Variants in SLC39A6 observed in about 807,000 individuals in gnomAD.
SLC39A6 encodes solute carrier family 39 member 6, also known as zinc transporter ZIP6.
In SLC39A6, 51 loss-of-function variants were observed where a neutral mutation model predicts 63.5. The ratio of observed to expected loss-of-function variants is 0.80; its 90% CI spans 0.64 to 1.01. The LOEUF (loss-of-function observed/expected upper bound fraction) is 1.01, where lower values mean the gene tolerates loss of function less well. SLC39A6 is among the 50% of genes least tolerant of loss of function. The pLI is 0.00. For missense variants in SLC39A6, 805 were observed against 927.8 expected (o/e 0.87, Z 1.72); for synonymous variants, 318 against 324.7 (o/e 0.98, Z 0.22).
chr18:36,124,388 C>G, intron 3 of SLC39A6, 132 bp downstream of exon 3: 1 of 526,656 alleles, frequency 1.9e-6, no homozygotes, highest in Admixed American at 3.5e-5. Flanking sequence ...TCTTCACATT[C>G]AAGGCAAAGA....
chr18:36,114,071 CA>C (rs753241884), intron 7 of SLC39A6, 25 bp downstream of exon 7: 1 of 1,531,882 alleles, frequency 6.5e-7, no homozygotes, highest in African/African-American at 1.4e-5. Flanking sequence ...AATCAATCAA[CA>C]AGGAACAAAT....
chr18:36,127,241 C>T (rs1308438585), intron 1 of SLC39A6, among the ~76,000 whole-genome samples: 1 of 152,190 alleles, frequency 6.6e-6, no homozygotes, highest in East Asian at 1.9e-4. Context: ...GAGCTGAGTG[C>T]TAAGAGACTG....
intron 7 of SLC39A6, among the ~76,000 whole-genome samples, chr18:36,113,852 A>G (rs901133940): frequency 6.6e-6 from 1 of 152,250 alleles, no homozygotes; most frequent in Non-Finnish European, 1.5e-5. Flanking sequence ...CTTGCAATTT[A>G]AGAACAGCTT....
chr18:36,118,013 A>G (rs569086667), intron 5 of SLC39A6, among the ~76,000 whole-genome samples: 7 of 151,600 alleles, frequency 4.6e-5, no homozygotes, highest in African/African-American at 1.7e-4. Context: ...CCGGGGCGAC[A>G]GAGTGAGACT....
In SLC39A6 at chr18:36,126,607, T is replaced by C; in HGVS notation, c.401A>G (p.His134Arg). Residue 134 changes from histidine (H) to arginine (R), a missense_variant, in exon 2 of 10, where the codon CAT becomes CGT. By Grantham distance (29) the His-to-Arg change is conservative. Around this residue, in one of 4 missense-constraint regions of SLC39A6, gnomAD observed 639 missense variants for 644.0 expected, o/e 0.99. Coordinates refer to ENST00000269187, the MANE Select transcript of SLC39A6 (RefSeq NM_012319.4). Reference sequence around the variant, plus strand: ...TCGCTTATTTTTACCAGAAGCAGCATGATTATGGTGAGAGTGATGATCATG... The same window carrying C: ...TCGCTTATTTTTACCAGAAGCAGCACGATTATGGTGAGAGTGATGATCATG... ...SDHDHHSHHN[H>R]AASGKNKRKA... The C allele has an allele frequency of 6.2e-7, 1 of 1,614,208 alleles. No homozygotes were observed. The highest frequency in any genetic ancestry group is 8.5e-7 in the Non-Finnish European group (1 of 1,180,034).
chr18:36,115,383 A>G (rs1009973403), intron 6 of SLC39A6, among the ~76,000 whole-genome samples: 4 of 151,200 alleles, frequency 2.6e-5, no homozygotes, highest in African/African-American at 7.3e-5. Flanking sequence ...CGGAGCTTGC[A>G]GTGAGCTGGG....
chr18:36,116,027 A>C (rs1264650537), intron 6 of SLC39A6, among the ~76,000 whole-genome samples: 1 of 152,180 alleles, frequency 6.6e-6, no homozygotes, highest in African/African-American at 2.4e-5. Context: ...AAAATACTAA[A>C]CAAACCCAAA....
At chr18:36,111,275 A>G (rs761489144) in intron 8 of SLC39A6, 26 bp from the exon 9 acceptor site, 2 of 1,602,762 alleles carry the variant, frequency 1.2e-6, no homozygotes, top group Non-Finnish European at 1.7e-6. Flanking sequence ...AAAAAGGAGG[A>G]AAAAGTCATT....
At chr18:36,124,753 T>A (rs2089422329) in intron 2 of SLC39A6, 53 bp from the exon 3 acceptor site, 2 of 1,335,714 alleles carry the variant, frequency 1.5e-6, no homozygotes, top group African/African-American at 1.4e-5. Flanking sequence ...ATTAGAGTAG[T>A]CTGATGACAC....
intron 6 of SLC39A6, among the ~76,000 whole-genome samples, chr18:36,115,334 C>T (rs1294594693): frequency 5.9e-5 from 9 of 151,528 alleles, no homozygotes; most frequent in Non-Finnish European, 7.4e-5. Flanking sequence ...CCCAGTTACT[C>T]GGGAGGCTGA....
rs756781871 is a variant in SLC39A6 at position 36,126,700 on chromosome 18, T to C, written c.308A>G (p.Glu103Gly). 2.4e-5 allele frequency: 38 copies of C among 1,613,726 alleles called. No individual in the cohort carries two copies. The highest frequency in any genetic ancestry group is 3.1e-5 in the Non-Finnish European group (36 of 1,179,754). The change falls in exon 2 of 10, where the codon GAG (glutamate) becomes GGG (glycine). Residue 103 changes from glutamate (E) to glycine (G), a missense_variant. Glu to Gly is a moderately conservative substitution (Grantham distance 98). Transcript: ENST00000269187. Reference protein sequence around the residue: ...HHDHDHHSDHEHHSDHERHSD... With the variant: ...HHDHDHHSDHGHHSDHERHSD... ...GTGACGCTCATGGTCTGAGTGATGC[T>C]CGTGGTCTGAGTGATGGTCGTGGTC...
intron 5 of SLC39A6, among the ~76,000 whole-genome samples, chr18:36,119,857 G>A (rs1752458077): frequency 6.6e-6 from 1 of 151,632 alleles, no homozygotes; most frequent in African/African-American, 2.4e-5. Context: ...TCTAACCTGG[G>A]CAACAGAGGA....
At position 36,124,675 on chromosome 18, in the gene SLC39A6, G is replaced by A. The variant is rs780585814; in HGVS notation, c.815C>T (p.Thr272Ile). The change falls in exon 3 of 10, where the codon ACA becomes ATA. Residue 272 changes from threonine to isoleucine, a missense_variant. By Grantham distance (89) the Thr-to-Ile change is moderately conservative. Coordinates refer to ENST00000269187, the MANE Select transcript of SLC39A6 (RefSeq NM_012319.4). ...AACCTGGATGCCCATGCCATGAGAT[G>A]TCAGTAGCTTTGATGCATTGAAACA... ...QECFNASKLL[T>I]SHGMGIQVPL... is the part of the protein sequence containing the mutation. The A allele has an allele frequency of 1.3e-6, 2 of 1,569,568 alleles. No homozygotes were observed. Among genetic ancestry groups the A allele is most frequent in the East Asian group, 2.3e-5 (1 of 44,156 alleles).
Position 36,126,705 on chromosome 18 carries a change from G to A in SLC39A6, c.303C>T (p.Asp101=), listed in dbSNP as rs768877225. 2 of 1,613,866 alleles carry A rather than the reference G, an allele frequency of 1.2e-6. No individual in the cohort carries two copies. The highest frequency in any genetic ancestry group is 1.7e-6 in the Non-Finnish European group (2 of 1,179,814). Residue 101 remains aspartate (D), a synonymous_variant, in exon 2 of 10, where the codon GAC becomes GAT. Transcript: ENST00000269187. ...GCTCATGGTCTGAGTGATGCTCGTG[G>A]TCTGAGTGATGGTCGTGGTCATGGT... ...HIHHDHDHHS[D]HEHHSDHERH... is the part of the protein sequence containing the mutation.
At chr18:36,111,375 T>C (rs2089298489) in intron 8 of SLC39A6, 126 bp from the exon 9 acceptor site, 1 of 813,600 alleles carries the variant, frequency 1.2e-6, no homozygotes, top group Non-Finnish European at 1.9e-6. Flanking sequence ...GAAAACAAAA[T>C]TAAGAATGAC....
rs762145639 is a variant in SLC39A6, at chr18:36,109,570, C to A, written c.*23G>T. 7 of 1,580,146 alleles carry A rather than the reference C, an allele frequency of 4.4e-6. No individual in the cohort carries two copies. In the African/African-American group the frequency reaches 6.8e-5, roughly 15 times the overall value. ...ACTGAAACTATGACAACTTTTTAAG[C>A]TACTCTAGCATTTAAACCTTAACTA... On this transcript the variant is annotated 3_prime_UTR_variant, in exon 10 of 10. Transcript: ENST00000269187.
chr18:36,109,719 A>G lies in SLC39A6; in HGVS notation c.2142T>C (p.Ala714=), dbSNP rs761899532. The change falls in exon 10 of 10, where the codon GCT becomes GCC. Residue 714 remains alanine, a synonymous_variant. Transcript: ENST00000269187. ...DMVPEMLHND[A]SDHGCSRWGY... is the part of the protein sequence containing the mutation. ...CCCAGCGGCTACATCCATGGTCACT[A>G]GCATCATTGTGCAGCATTTCAGGTA... 3.7e-6 allele frequency: 6 copies of G among 1,612,354 alleles called. No individual in the cohort carries two copies. The highest frequency in any genetic ancestry group is 1.7e-5 in the Admixed American group (1 of 59,748).
At chr18:36,113,584 A>G (rs1292279387) in intron 7 of SLC39A6, among the ~76,000 whole-genome samples, 1 of 152,202 alleles carries the variant, frequency 6.6e-6, no homozygotes, top group African/African-American at 2.4e-5. Context: ...TTCCAGCACT[A>G]AATTATTAAA....
At chr18:36,125,221 T>G (rs918796751) in intron 2 of SLC39A6, among the ~76,000 whole-genome samples, 1 of 152,080 alleles carries the variant, frequency 6.6e-6, no homozygotes, top group African/African-American at 2.4e-5. Context: ...TGCAGATTAT[T>G]CTTGTGGAGG....
Sources: gnomAD v4.1 joint callset for allele counts (sites outside exome capture counted in the v4.1 genomes callset) on GRCh38, gnomAD v4.1.1 for gene constraint, gnomAD v4.1.1 regional missense constraint, MANE v1.5 for transcripts, NCBI Gene and HGNC (gene_info 2026-07-23, HGNC 2026-07-21) for gene names.